Variants in ZNF469 observed in about 807,000 individuals in gnomAD.
The protein encoded by ZNF469 is zinc finger protein 469.
ZNF469 carries 1 observed loss-of-function variant against 1.0 expected under a neutral mutation model. The ratio of observed to expected loss-of-function variants is 1.00; its 90% confidence interval spans 0.35 to 4.73. The LOEUF (loss-of-function observed/expected upper bound fraction) is 4.73, where lower values mean the gene tolerates loss of function less well. ZNF469 is among the 30% of genes most tolerant of loss of function. The pLI, the probability that ZNF469 is intolerant of heterozygous loss-of-function variation, is 0.16. For synonymous variants in ZNF469, 2,703 were observed against 2,363.4 expected, an observed-to-expected ratio of 1.14 and a Z score of -4.17; for missense variants, 6,100 against 5,356.3, an observed-to-expected ratio of 1.14 and a Z score of -4.33.
At position 88,423,460 on chromosome 16, in the gene ZNF469, G is replaced by A. The variant is rs978541433; in HGVS notation, c.-191-1347G>A. On this transcript the variant is annotated intron_variant, in intron 1 of 2. Coordinates refer to ENST00000565624, the MANE Select transcript of ZNF469 (RefSeq NM_001367624.2). ...CCTGTGACACAGTGACTCACATTAG[G>A]GCCTCTGGGTTCTCTACATTGCTAG... Among the ~76,000 whole-genome samples the A allele has an allele frequency of 6.6e-5, 10 of 152,130 alleles. No individual in the cohort carries two copies. The East Asian group carries it at 1.9e-3, about 29-fold the overall frequency.
At chr16:88,115,002 C>T in the ZNF469 span, among the ~76,000 whole-genome samples, 9 of 152,256 alleles carry the variant, frequency 5.9e-5, no homozygotes, top group African/African-American at 1.9e-4. Context: ...GGAAGCAGAA[C>T]CCAGAGGTGA....
intron 1 of ZNF469, among the ~76,000 whole-genome samples, chr16:88,396,675 G>A (rs34114771): frequency 0.22 from 28,565 of 129,034 alleles, 3,091 homozygotes; most frequent in African/African-American, 0.34. Flanking sequence ...AAGGGAGGCC[G>A]GGAGGAGACC....
At chr16:88,130,605 C>G in the ZNF469 span, among the ~76,000 whole-genome samples, 2,764 of 146,572 alleles carry the variant, frequency 0.019, no homozygotes, top group African/African-American at 0.067. Flanking sequence ...ACTCGGGAGG[C>G]TGAGGTAGGA....
At chr16:88,228,290 C>T in the ZNF469 span, among the ~76,000 whole-genome samples, 2 of 152,242 alleles carry the variant, frequency 1.3e-5, no homozygotes, top group Non-Finnish European at 2.9e-5. Flanking sequence ...GGGATGAGGG[C>T]CCCACTGCGC....
chr16:88,228,478 C>T, the ZNF469 span, among the ~76,000 whole-genome samples: 1 of 152,200 alleles, frequency 6.6e-6, no homozygotes, highest in Non-Finnish European at 1.5e-5. Flanking sequence ...GGAGAGGGCA[C>T]GGCAATGGTG....
At chr16:88,193,249 ATGG>A in the ZNF469 span, among the ~76,000 whole-genome samples, 3 of 63,612 alleles carry the variant, frequency 4.7e-5, no homozygotes, top group Admixed American at 1.4e-4. Flanking sequence ...GGTGGTGGTG[ATGG>A]TGGTGATGGT....
chr16:88,367,780 C>T, the ZNF469 span, among the ~76,000 whole-genome samples: 1 of 152,198 alleles, frequency 6.6e-6, no homozygotes, highest in Non-Finnish European at 1.5e-5. Context: ...GTCCCGGGCT[C>T]ATGGCCCCAT....
chr16:88,333,250 G>A, the ZNF469 span, among the ~76,000 whole-genome samples: 2 of 152,140 alleles, frequency 1.3e-5, no homozygotes, highest in Non-Finnish European at 2.9e-5. Flanking sequence ...CGGTGGGTAC[G>A]GCCAGGGGAG....
At chr16:88,319,327 C>A in the ZNF469 span, among the ~76,000 whole-genome samples, 41 of 152,322 alleles carry the variant, frequency 2.7e-4, 1 homozygote, top group African/African-American at 9.6e-4. Context: ...AGGCCCCTGA[C>A]TGAGCCGAAG....
intron 1 of ZNF469, among the ~76,000 whole-genome samples, chr16:88,390,442 G>A (rs1012165840): frequency 6.6e-6 from 1 of 152,200 alleles, no homozygotes; most frequent in Admixed American, 6.5e-5. Flanking sequence ...CATGAGCACT[G>A]TGTGTCTTCT....
At chr16:88,137,680 T>C in the ZNF469 span, among the ~76,000 whole-genome samples, 1 of 152,216 alleles carries the variant, frequency 6.6e-6, no homozygotes, top group Non-Finnish European at 1.5e-5. Flanking sequence ...ACTGTGTGTG[T>C]ATAACTATGC....
At chr16:88,200,933 T>C in the ZNF469 span, among the ~76,000 whole-genome samples, 1 of 152,198 alleles carries the variant, frequency 6.6e-6, no homozygotes, top group Non-Finnish European at 1.5e-5. Context: ...GCTCTGGCCC[T>C]GGGGACCTCC....
At chr16:88,369,634 G>T in the ZNF469 span, among the ~76,000 whole-genome samples, 1 of 152,218 alleles carries the variant, frequency 6.6e-6, no homozygotes, top group African/African-American at 2.4e-5. Flanking sequence ...TCACAAAGTA[G>T]CCCCTGGCTG....
At chr16:88,287,217 T>C in the ZNF469 span, among the ~76,000 whole-genome samples, 2 of 152,236 alleles carry the variant, frequency 1.3e-5, no homozygotes, top group African/African-American at 4.8e-5. Flanking sequence ...TGCTGTATAA[T>C]ACACCCTTGT....
chr16:88,356,821 C>G, the ZNF469 span, among the ~76,000 whole-genome samples: 2 of 152,230 alleles, frequency 1.3e-5, no homozygotes, highest in African/African-American at 4.8e-5. Flanking sequence ...GGGGCAGGAG[C>G]CGCATCAGTT....
At chr16:88,223,527 C>T in the ZNF469 span, among the ~76,000 whole-genome samples, 6 of 152,196 alleles carry the variant, frequency 3.9e-5, no homozygotes, top group African/African-American at 9.6e-5. Context: ...CCTTTTCACT[C>T]ATGGTTAGAG....
At chr16:88,224,787 CTGTG>C in the ZNF469 span, among the ~76,000 whole-genome samples, 2 of 152,212 alleles carry the variant, frequency 1.3e-5, no homozygotes, top group African/African-American at 4.8e-5. Context: ...ACACGTGTCT[CTGTG>C]TGTGCACACA....
the ZNF469 span, among the ~76,000 whole-genome samples, chr16:88,196,110 G>GCCT: frequency 6.6e-6 from 1 of 152,188 alleles, no homozygotes; most frequent in South Asian, 2.1e-4. Flanking sequence ...GCCAGCCCTC[G>GCCT]CCTTTCTGTG....
the ZNF469 span, among the ~76,000 whole-genome samples, chr16:88,347,832 T>C: frequency 5.3e-5 from 8 of 152,226 alleles, no homozygotes; most frequent in African/African-American, 1.7e-4. Context: ...TTGGATGTGT[T>C]TGGGCCTCCC....
Sources: gnomAD v4.1 joint callset for allele counts (sites outside exome capture counted in the v4.1 genomes callset) on GRCh38, gnomAD v4.1.1 for gene constraint, MANE v1.5 for transcripts, NCBI Gene and HGNC (gene_info 2026-07-23, HGNC 2026-07-21) for gene names.